Variants in COPS4 observed in about 807,000 individuals in gnomAD.
COPS4 encodes the protein COP9 signalosome complex subunit 4.
In COPS4, 8 loss-of-function variants were observed where a neutral mutation model predicts 55.1. The ratio of observed to expected loss-of-function variants is 0.15; its 90% CI spans 0.09 to 0.26. The LOEUF is 0.26. COPS4 is among the 10% of genes least tolerant of loss of function. The pLI is 1.00. For missense variants in COPS4, 248 were observed against 484.0 expected (o/e 0.51, Z 4.58); for synonymous variants, 185 against 165.7 (o/e 1.12, Z -0.90).
chr4:83,067,129 G>A (rs954399296), intron 8 of COPS4, among the ~76,000 whole-genome samples: 21 of 151,770 alleles, frequency 1.4e-4, no homozygotes, highest in African/African-American at 4.4e-4. Flanking sequence ...GTGCAGTAGC[G>A]TGATCATAGC....
At chr4:83,043,294 A>T (rs935743114) in intron 1 of COPS4, among the ~76,000 whole-genome samples, 6 of 151,952 alleles carry the variant, frequency 3.9e-5, no homozygotes, top group African/African-American at 1.5e-4. Context: ...AGTTGGGAGG[A>T]TTGCTTGAGT....
chr4:83,046,612 A>G (rs891100021), intron 2 of COPS4, among the ~76,000 whole-genome samples: 9 of 152,252 alleles, frequency 5.9e-5, no homozygotes, highest in Admixed American at 1.3e-4. Context: ...ATTAAAAAGA[A>G]TACAATCATG....
chr4:83,048,200 G>A (rs1019659852), intron 2 of COPS4, among the ~76,000 whole-genome samples: 4 of 152,162 alleles, frequency 2.6e-5, no homozygotes, highest in Admixed American at 2.6e-4. Context: ...TACACATGAG[G>A]AAACAGAAGC....
intron 8 of COPS4, 127 bp downstream of exon 8, chr4:83,066,680 CA>C (rs1274422646): frequency 1.8e-6 from 1 of 568,478 alleles, no homozygotes. Flanking sequence ...TTGGAAACAA[CA>C]ACAGAATTAC....
At chr4:83,069,329 T>A (rs1731363500) in intron 9 of COPS4, among the ~76,000 whole-genome samples, 2 of 152,198 alleles carry the variant, frequency 1.3e-5, no homozygotes, top group Admixed American at 1.3e-4. Flanking sequence ...TTCTTGTTTC[T>A]CTAGTGGTCT....
intron 9 of COPS4, among the ~76,000 whole-genome samples, chr4:83,070,417 A>G (rs1434561018): frequency 6.6e-6 from 1 of 152,194 alleles, no homozygotes; most frequent in Non-Finnish European, 1.5e-5. Flanking sequence ...GCATCTTAGC[A>G]TGAACATATC....
chr4:83,058,579 G>GT (rs1731073349), intron 6 of COPS4, among the ~76,000 whole-genome samples: 1 of 152,154 alleles, frequency 6.6e-6, no homozygotes, highest in Non-Finnish European at 1.5e-5. Context: ...TGAAAACGCA[G>GT]TACATGAACA....
chr4:83,055,127 ACT>A (rs144765889), intron 4 of COPS4, among the ~76,000 whole-genome samples: 1 of 152,342 alleles, frequency 6.6e-6, no homozygotes, highest in East Asian at 1.9e-4. Flanking sequence ...TGAATTATAA[ACT>A]CTGTGTTCTT....
At chr4:83,042,313 G>A (rs1730589850) in intron 1 of COPS4, among the ~76,000 whole-genome samples, 1 of 152,072 alleles carries the variant, frequency 6.6e-6, no homozygotes, top group Non-Finnish European at 1.5e-5. Flanking sequence ...AAATGCCTAA[G>A]GACTCAATTA....
intron 6 of COPS4, among the ~76,000 whole-genome samples, chr4:83,059,876 A>G (rs1282934517): frequency 6.6e-6 from 1 of 150,870 alleles, no homozygotes; most frequent in Non-Finnish European, 1.5e-5. Context: ...AATTTTTTGT[A>G]TTTTTTAGTA....
intron 7 of COPS4, chr4:83,064,968 G>T: frequency 3.0e-6 from 1 of 333,958 alleles, no homozygotes; most frequent in South Asian, 2.3e-5. Flanking sequence ...GCTCACTGCA[G>T]CCTCCACCTC....
chr4:83,054,803 T>TA (rs1156269124), intron 4 of COPS4, among the ~76,000 whole-genome samples: 3 of 152,228 alleles, frequency 2.0e-5, no homozygotes, highest in African/African-American at 7.2e-5. Context: ...ACCAAAGAGA[T>TA]AAAAATGTCA....
chr4:83,068,427 T>TC lies in COPS4; in HGVS notation c.1003-6dup, dbSNP rs1731342512. ...GATAAAGTTTCTGAGAGTTTTTTTT[T>TC]CCCCCAATAGGCGGAAAAGATAGCA... On this transcript the variant is annotated splice_polypyrimidine_tract_variant and intron_variant, in intron 8 of 9. Coordinates refer to ENST00000264389, the MANE Select transcript of COPS4 (RefSeq NM_016129.3). 2 of 1,584,150 alleles carry TC rather than the reference T, an allele frequency of 1.3e-6. No homozygotes were observed. Among genetic ancestry groups the TC allele is most frequent in the Non-Finnish European group, 1.7e-6 (2 of 1,156,800 alleles).
At chr4:83,042,870 G>A (rs1454800026) in intron 1 of COPS4, among the ~76,000 whole-genome samples, 1 of 151,510 alleles carries the variant, frequency 6.6e-6, no homozygotes, top group Non-Finnish European at 1.5e-5. Context: ...CTCCCAAAGT[G>A]CTGGGATTAC....
intron 6 of COPS4, among the ~76,000 whole-genome samples, chr4:83,062,551 G>A (rs879496980): frequency 8.4e-6 from 1 of 119,296 alleles, no homozygotes; most frequent in Non-Finnish European, 1.7e-5. Context: ...CTTTTATACT[G>A]TACACAAATG....
intron 2 of COPS4, among the ~76,000 whole-genome samples, chr4:83,047,457 G>A (rs1730748383): frequency 6.6e-6 from 1 of 151,428 alleles, no homozygotes; most frequent in Non-Finnish European, 1.5e-5. Flanking sequence ...GGGACGCTGA[G>A]GTGGGAAGAC....
At chr4:83,046,465 A>C (rs912069206) in intron 2 of COPS4, among the ~76,000 whole-genome samples, 3 of 152,214 alleles carry the variant, frequency 2.0e-5, no homozygotes, top group African/African-American at 7.2e-5. Context: ...AAATTCCACA[A>C]AAAGAAACCC....
chr4:83,038,845 A>G (rs1553895378), intron 1 of COPS4, among the ~76,000 whole-genome samples: 2 of 152,046 alleles, frequency 1.3e-5, no homozygotes, highest in Admixed American at 6.6e-5. Flanking sequence ...GGGTTTCACC[A>G]TGTTGGCCAG....
chr4:83,063,105 C>G lies in COPS4; in HGVS notation c.745C>G (p.Leu249Val). Residue 249 changes from leucine (L) to valine (V), a missense_variant, in exon 7 of 10, where the codon CTT (leucine) becomes GTT (valine). Physicochemically the swap from Leu to Val is conservative, Grantham distance 32. Transcript: ENST00000264389. The stretch of plus-strand genomic sequence containing the variant: ...GCAGCGTTCTCGGATGCTAGCTACT[C>G]TTTTTAAGGATGAAAGGTGCCAGCA... ...GQQRSRMLAT[L>V]FKDERCQQLA... 6.4e-7 allele frequency: 1 copy of G among 1,574,734 alleles called. No individual in the cohort carries two copies. Among genetic ancestry groups the G allele is most frequent in the Non-Finnish European group, 8.6e-7 (1 of 1,164,476 alleles).
Sources: gnomAD v4.1 joint callset for allele counts (sites outside exome capture counted in the v4.1 genomes callset) on GRCh38, gnomAD v4.1.1 for gene constraint, MANE v1.5 for transcripts, NCBI Gene and HGNC (gene_info 2026-07-23, HGNC 2026-07-21) for gene names.